OC90: variants seen among roughly 807,000 people sequenced by gnomAD.
OC90 encodes the protein otoconin 90, also known as otoconin-90.
In OC90, 46 loss-of-function variants were observed where a neutral mutation model predicts 47.3. The ratio of observed to expected loss-of-function variants is 0.97; its 90% CI spans 0.77 to 1.24. The LOEUF (loss-of-function observed/expected upper bound fraction) is 1.24. OC90 is among the 50% of genes most tolerant of loss of function. OC90 has a pLI of 0.00. For missense variants in OC90, 688 were observed against 583.9 expected (o/e 1.18, Z -1.84); for synonymous variants, 271 against 219.5 (o/e 1.23, Z -2.07).
At chr8:132,029,288 T>C (rs1313420129) in intron 12 of OC90, 109 bp from the exon 13 acceptor site, 1 of 819,250 alleles carries the variant, frequency 1.2e-6, no homozygotes, top group Non-Finnish European at 2.0e-6. Flanking sequence ...GGGAAGCCAG[T>C]GCCTCCTTTC....
intron 2 of OC90, among the ~76,000 whole-genome samples, chr8:132,046,815 G>C (rs1823140093): frequency 1.3e-5 from 2 of 152,186 alleles, no homozygotes; most frequent in African/African-American, 4.8e-5. Context: ...CAATCTGAAA[G>C]TCACAAAGGG....
intron 8 of OC90, among the ~76,000 whole-genome samples, chr8:132,038,344 T>C (rs1822999795): frequency 6.6e-6 from 1 of 151,572 alleles, no homozygotes; most frequent in African/African-American, 2.4e-5. Flanking sequence ...CGCTGGAGAG[T>C]GCGTGGAGAA....
In OC90 at chr8:132,031,862, C is replaced by T; in HGVS notation, c.1031+19G>A. On this transcript the variant is annotated intron_variant, in intron 12 of 13. Transcript: ENST00000254627. ...ATCAGCACTACTACACCAGAGCTGT[C>T]ACCGCTGGCTCTCCATACCTGTCTA... The T allele has an allele frequency of 6.2e-7, 1 of 1,610,608 alleles. No homozygotes were observed. The highest frequency in any genetic ancestry group is 1.3e-5 in the African/African-American group (1 of 75,008).
Position 132,024,502 on chromosome 8 carries a change from G to A in OC90, c.1413C>T (p.Ile471=), listed in dbSNP as rs141981890. The A allele has an allele frequency of 3.8e-4, 602 of 1,566,288 alleles. 6 individuals are homozygous for A. The East Asian group carries it at 0.012, about 31-fold the overall frequency. The part of the protein sequence containing the change: ...FLRKSLGPLG[I]GPLHGR ...GCATCTATCTTCCATGAAGAGGCCCGATCCCCAAGGGACCCAGTGACTTCC... is the reference window on the plus strand; with the variant it reads ...GCATCTATCTTCCATGAAGAGGCCCAATCCCCAAGGGACCCAGTGACTTCC... The change falls in exon 14 of 14, where the codon ATC becomes ATT. Residue 471 remains isoleucine, a synonymous_variant. Transcript: ENST00000254627.
At position 132,055,037 on chromosome 8, in the gene OC90, C is replaced by A; in HGVS notation, c.-11G>T. 6.4e-7 allele frequency: 1 copy of A among 1,550,636 alleles called. No homozygotes were observed. Among genetic ancestry groups the A allele is most frequent in the Non-Finnish European group, 8.7e-7 (1 of 1,146,600 alleles). On this transcript the variant is annotated 5_prime_UTR_variant, in exon 2 of 14. Coordinates refer to ENST00000254627, the MANE Select transcript of OC90 (RefSeq NM_001080399.3). ...GAGAAACGCAATCATAGCAGGAGAA[C>A]AAAGGATGGGGCTTAGGCAGCAACT...
rs988256646 is a variant in OC90 at position 132,025,878 on chromosome 8, C to T, written c.1139-1102G>A. On this transcript the variant is annotated intron_variant, in intron 13 of 13. Transcript: ENST00000254627. ...TGCTGACAGAGCAGAGTCCAAGCAC[C>T]TAACTCAAACCTTGAAAAATATTTC... is the stretch of plus-strand genomic sequence containing the variant. Among the ~76,000 whole-genome samples the T allele has an allele frequency of 1.8e-4, 28 of 152,352 alleles. 1 individual carries two copies. The highest frequency in any genetic ancestry group is 6.7e-4 in the African/African-American group (28 of 41,568).
rs1203081761 is a variant in OC90, at chr8:132,045,872, G to A, written c.58C>T (p.Leu20=). ...TCCTGTGGAAGATGTGGAGTGTCCA[G>A]AGGATGGCCTCCTATAAATAAGGAA... ...LMIPHAGGHP[L]DTPHLPQELP... is the part of the protein sequence containing the mutation. Residue 20 remains leucine (L), a synonymous_variant, in exon 3 of 14, where the codon CTG becomes TTG. Transcript: ENST00000254627. The A allele has an allele frequency of 2.3e-5, 35 of 1,539,004 alleles. No homozygotes were observed. The highest frequency in any genetic ancestry group is 3.0e-5 in the Non-Finnish European group (34 of 1,135,500).
At chr8:132,059,158 A>G (rs1823314160) in intron 1 of OC90, among the ~76,000 whole-genome samples, 183 bp downstream of exon 1, 1 of 125,322 alleles carries the variant, frequency 8.0e-6, no homozygotes, top group Non-Finnish European at 1.6e-5. Context: ...GCCTCTTTCC[A>G]TCTCCCAACC....
intron 4 of OC90, among the ~76,000 whole-genome samples, chr8:132,043,102 C>T (rs1275872473): frequency 6.6e-6 from 1 of 152,086 alleles, no homozygotes; most frequent in Non-Finnish European, 1.5e-5. Context: ...TGAATGGATC[C>T]CAAATGATAC....
intron 2 of OC90, among the ~76,000 whole-genome samples, chr8:132,048,715 C>A (rs975975245): frequency 6.6e-6 from 1 of 151,502 alleles, no homozygotes; most frequent in Non-Finnish European, 1.5e-5. Context: ...TCTTTTGTCC[C>A]CACTCCCCCC....
intron 6 of OC90, among the ~76,000 whole-genome samples, chr8:132,039,738 C>T (rs1823026208): frequency 6.6e-6 from 1 of 152,144 alleles, no homozygotes; most frequent in Non-Finnish European, 1.5e-5. Flanking sequence ...GCCTCTCAGG[C>T]CTCAGGGCCA....
At chr8:132,057,012 G>T (rs1823287376) in intron 1 of OC90, among the ~76,000 whole-genome samples, 1 of 152,116 alleles carries the variant, frequency 6.6e-6, no homozygotes, top group Admixed American at 6.5e-5. Flanking sequence ...AGCTTCCCAG[G>T]TCTCCTGACT....
At position 132,033,084 on chromosome 8, in the gene OC90, C is replaced by A. The variant is rs1460769978; in HGVS notation, c.814G>T (p.Ala272Ser). The A allele has an allele frequency of 6.2e-7, 1 of 1,610,092 alleles. No homozygotes were observed. The highest frequency in any genetic ancestry group is 8.5e-7 in the Non-Finnish European group (1 of 1,178,254). Residue 272 changes from alanine (A) to serine (S), a missense_variant, in exon 11 of 14, where the codon GCA (alanine) becomes TCA (serine). By Grantham distance (99) the Ala-to-Ser change is moderately conservative (BLOSUM62 1). Coordinates refer to ENST00000254627, the MANE Select transcript of OC90 (RefSeq NM_001080399.3). ...GGATCATTTTCAACAGATGACACTGCCAGCCCCAGAGATTTAATGCCAGCA... is the reference window on the plus strand; with the variant it reads ...GGATCATTTTCAACAGATGACACTGACAGCCCCAGAGATTTAATGCCAGCA... ...VPAGIKSLGL[A>S]VSSVENDPEE...
chr8:132,032,863 TAC>T (rs1563729125), intron 11 of OC90, among the ~76,000 whole-genome samples, 174 bp downstream of exon 11: 5 of 152,150 alleles, frequency 3.3e-5, no homozygotes, highest in African/African-American at 1.2e-4. Flanking sequence ...GCTGAGTGGC[TAC>T]AGGCAGCTTA....
In OC90 at chr8:132,029,178, A is replaced by G. The variant is rs752177872; in HGVS notation, c.1033T>C (p.Cys345Arg). ...AGGCAGCAGTGATGGGACAAGCAGC[A>G]CCTAAGACCAAGGAAAACCCTTTAC... ...RGEPRDDLDR[C>R]CLSHHCCLEQ... Residue 345 changes from cysteine to arginine, a missense_variant and splice_region_variant, in exon 13 of 14, where the codon TGC (cysteine) becomes CGC (arginine). Coordinates refer to ENST00000254627, the MANE Select transcript of OC90 (RefSeq NM_001080399.3). 5 of 1,612,760 alleles carry G rather than the reference A, an allele frequency of 3.1e-6. No homozygotes were observed. Among genetic ancestry groups the G allele is most frequent in the South Asian group, 1.1e-5 (1 of 91,052 alleles).
At position 132,054,982 on chromosome 8, in the gene OC90, G is replaced by A. The variant is rs915980044; in HGVS notation, c.45C>T (p.Ala15=). 26 of 1,548,532 alleles carry A rather than the reference G, an allele frequency of 1.7e-5. No homozygotes were observed. The highest frequency in any genetic ancestry group is 2.7e-5 in the African/African-American group (2 of 72,996). ...LLTSVLMIPH[A]GGHPLDTPHL... ...ATGGTGTAAGATATCATTACTCACCGGCATGGGGGATCATCAGCACACTGG... is the reference window on the plus strand; with the variant it reads ...ATGGTGTAAGATATCATTACTCACCAGCATGGGGGATCATCAGCACACTGG... Residue 15 remains alanine (A), a splice_region_variant and synonymous_variant, in exon 2 of 14, where the codon GCC becomes GCT. Coordinates refer to ENST00000254627, the MANE Select transcript of OC90 (RefSeq NM_001080399.3).
In OC90 at chr8:132,046,871, G is replaced by A. The variant is rs138535451; in HGVS notation, c.47-988C>T. Among the ~76,000 whole-genome samples, 642 of 152,298 alleles carry A rather than the reference G, an allele frequency of 4.2e-3. 4 individuals carry two copies. Among genetic ancestry groups the A allele is most frequent in the African/African-American group, 0.015 (616 of 41,558 alleles). The stretch of plus-strand genomic sequence containing the variant: ...TTAGACTAAATCTGTTCAGGAAGAT[G>A]CCCCCAGGTGGTGTCTGAGTTGGCC... On this transcript the variant is annotated intron_variant, in intron 2 of 13. Transcript: ENST00000254627.
intron 3 of OC90, among the ~76,000 whole-genome samples, chr8:132,045,343 T>G (rs543851654): frequency 6.6e-6 from 1 of 152,336 alleles, no homozygotes; most frequent in Admixed American, 6.5e-5. Context: ...TCTTCAGCCA[T>G]GCCCACCTTC....
chr8:132,055,129 A>G, intron 1 of OC90, 56 bp from the exon 2 acceptor site: 1 of 941,840 alleles, frequency 1.1e-6, no homozygotes, highest in South Asian at 1.6e-5. Flanking sequence ...CCCATGAAAG[A>G]ACCCATGGGA....
Sources: gnomAD v4.1 joint callset for allele counts (sites outside exome capture counted in the v4.1 genomes callset) on GRCh38, gnomAD v4.1.1 for gene constraint, MANE v1.5 for transcripts, NCBI Gene and HGNC (gene_info 2026-07-23, HGNC 2026-07-21) for gene names.